The following UROC1 variants were observed in gnomAD, a reference collection of about 807,000 sequenced individuals.
The protein encoded by UROC1 is urocanate hydratase 1.
UROC1 carries 79 observed loss-of-function variants against 89.5 expected under a neutral mutation model. The ratio of observed to expected loss-of-function variants is 0.88; its 90% CI spans 0.74 to 1.06. UROC1 has a LOEUF of 1.06. Among genes scored for constraint, UROC1 ranks in the 50% least tolerant of loss-of-function variants. UROC1 has a pLI of 0.00. For missense variants in UROC1, 885 were observed against 907.8 expected (o/e 0.97, Z 0.32); for synonymous variants, 361 against 354.8 (o/e 1.02, Z -0.20).
In UROC1 at chr3:126,506,757, T is replaced by C. The variant is rs139125681; in HGVS notation, c.603-746A>G. The stretch of plus-strand genomic sequence containing the variant: ...GACGTAAGAGGGATCTCCTTTTCAG[T>C]GTAGCTCCATTTATAATGCTTAATG... On this transcript the variant is annotated intron_variant, in intron 6 of 19. Transcript: ENST00000290868. Among the ~76,000 whole-genome samples, 682 of 152,294 alleles carry C rather than the reference T, an allele frequency of 4.5e-3. 5 individuals are homozygous for C. Among genetic ancestry groups the C allele is most frequent in the African/African-American group, 0.014 (596 of 41,562 alleles).
At chr3:126,512,562 C>T (rs1936219425) in intron 1 of UROC1, among the ~76,000 whole-genome samples, 3 of 151,968 alleles carry the variant, frequency 2.0e-5, no homozygotes, top group South Asian at 2.1e-4. Context: ...CCCATCTTTA[C>T]GAAAAATAAA....
intron 15 of UROC1, 37 bp from the exon 16 acceptor site, chr3:126,492,553 T>G (rs749839669): frequency 6.5e-7 from 1 of 1,548,442 alleles, no homozygotes; most frequent in South Asian, 1.1e-5. Flanking sequence ...TCAGCCAACA[T>G]AGGCAGCAAT....
Position 126,498,177 on chromosome 3 carries a change from A to G in UROC1, c.1317-5T>C, listed in dbSNP as rs1405573036. ...AATCCCTGGGAGAATATGTCCCTGC[A>G]AGCACAGATGCCTCCTCACCCTGGG... On this transcript the variant is annotated splice_region_variant and splice_polypyrimidine_tract_variant and intron_variant, in intron 13 of 19. Transcript: ENST00000290868. 6.2e-7 allele frequency: 1 copy of G among 1,614,126 alleles called. No homozygotes were observed. Among genetic ancestry groups the G allele is most frequent in the South Asian group, 1.1e-5 (1 of 91,080 alleles).
chr3:126,485,296 C>T (rs942983342), intron 18 of UROC1, among the ~76,000 whole-genome samples: 2 of 152,188 alleles, frequency 1.3e-5, no homozygotes, highest in Non-Finnish European at 1.5e-5. Flanking sequence ...TATTATTATG[C>T]TTATTTTCTC....
rs1490297446 is a variant in UROC1, at chr3:126,500,161, C to T, written c.1146-7G>A. The T allele has an allele frequency of 6.2e-7, 1 of 1,613,350 alleles. No individual in the cohort carries two copies. Among genetic ancestry groups the T allele is most frequent in the East Asian group, 2.2e-5 (1 of 44,862 alleles). The stretch of plus-strand genomic sequence containing the variant: ...TGAGACTTGCCTCCTCAGGCTGCAA[C>T]AAGCCATGGGTCAGCACCACCGCTG... On this transcript the variant is annotated splice_polypyrimidine_tract_variant and splice_region_variant and intron_variant, in intron 11 of 19. Coordinates refer to ENST00000290868, the MANE Select transcript of UROC1 (RefSeq NM_144639.3).
rs1015292832 is a variant in UROC1, at chr3:126,482,153, T to G, written c.*192A>C. The G allele has an allele frequency of 2.4e-4, 176 of 729,894 alleles. 1 individual carries two copies. Among genetic ancestry groups the G allele is most frequent in the Non-Finnish European group, 3.6e-4 (162 of 450,666 alleles). 45.2% of individuals were successfully genotyped at this position (729,894 alleles called of 1,614,324 possible). On this transcript the variant is annotated 3_prime_UTR_variant, in exon 20 of 20. Coordinates refer to ENST00000290868, the MANE Select transcript of UROC1 (RefSeq NM_144639.3). ...GCATGGTTGTGGACAGAGAGCTGCA[T>G]GTCTCTGGGCCTCAGGGGGCTGTCT...
At chr3:126,510,488 T>C (rs1936168027) in intron 2 of UROC1, among the ~76,000 whole-genome samples, 176 bp downstream of exon 2, 2 of 152,212 alleles carry the variant, frequency 1.3e-5, no homozygotes, top group South Asian at 4.1e-4. Context: ...CAGCCAGCGC[T>C]GGGCTCCGGC....
Position 126,482,247 on chromosome 3 carries a change from G to T in UROC1, c.*98C>A. The T allele has an allele frequency of 1.3e-6, 2 of 1,545,586 alleles. No homozygotes were observed. Among genetic ancestry groups the T allele is most frequent in the Non-Finnish European group, 1.8e-6 (2 of 1,131,910 alleles). ...GGCCACGTGAGGATGTGCGAGAAGT[G>T]CAGGTAGTGCGGGTGTGCAGGAAGG... On this transcript the variant is annotated 3_prime_UTR_variant, in exon 20 of 20. Transcript: ENST00000290868.
chr3:126,497,712 C>T (rs1935812569), intron 14 of UROC1, among the ~76,000 whole-genome samples: 1 of 152,360 alleles, frequency 6.6e-6, no homozygotes, highest in South Asian at 2.1e-4. Flanking sequence ...CCTGGACCGT[C>T]CTGCTTCAGC....
At chr3:126,502,506 G>A (rs931907050) in intron 9 of UROC1, among the ~76,000 whole-genome samples, 70 of 151,112 alleles carry the variant, frequency 4.6e-4, no homozygotes, top group Non-Finnish European at 8.6e-4. Context: ...GCATGTTAGT[G>A]TGTATGCATG....
At chr3:126,488,549 CAGA>C (rs1261018697) in intron 17 of UROC1, among the ~76,000 whole-genome samples, 2 of 152,336 alleles carry the variant, frequency 1.3e-5, no homozygotes, top group East Asian at 1.9e-4. Context: ...GCAGAGGGAA[CAGA>C]AGAATTAAAA....
At chr3:126,483,882 TAAA>T (rs551385620) in intron 18 of UROC1, among the ~76,000 whole-genome samples, 1 of 152,128 alleles carries the variant, frequency 6.6e-6, no homozygotes. Context: ...GTTTTATCTT[TAAA>T]AAAAATATTT....
At chr3:126,508,200 C>T in intron 4 of UROC1, 105 bp from the exon 5 acceptor site, 2 of 1,597,810 alleles carry the variant, frequency 1.3e-6, no homozygotes, top group Non-Finnish European at 1.7e-6. Flanking sequence ...GCCCCCAGGT[C>T]TCCATTCCAC....
intron 5 of UROC1, 43 bp downstream of exon 5, chr3:126,507,924 T>C (rs1936106044): frequency 6.2e-7 from 1 of 1,613,332 alleles, no homozygotes; most frequent in African/African-American, 1.3e-5. Context: ...CACCCTCTCT[T>C]TGGAGCCCTG....
Position 126,516,677 on chromosome 3 carries a change from C to T in UROC1, c.126+917G>A, listed in dbSNP as rs116018468. On this transcript the variant is annotated intron_variant, in intron 1 of 19. Coordinates refer to ENST00000290868, the MANE Select transcript of UROC1 (RefSeq NM_144639.3). ...GACCCCCAGCATCCTCCTAGCCCCC[C>T]AACTCCCCTCCACCCCCACACCCAC... Among the ~76,000 whole-genome samples, 173 of 87,050 alleles carry T rather than the reference C, an allele frequency of 2.0e-3. 6 individuals carry two copies. The highest frequency in any genetic ancestry group is 8.9e-3 in the African/African-American group (158 of 17,708). The allele number at this position is 87,050 out of a possible 152,430, so 57.1% of individuals were successfully genotyped here.
chr3:126,498,384 A>G (rs1169134713), intron 13 of UROC1, among the ~76,000 whole-genome samples: 1 of 152,024 alleles, frequency 6.6e-6, no homozygotes, highest in East Asian at 1.9e-4. Flanking sequence ...TGGCTGTACC[A>G]TCTCTAGCTA....
intron 12 of UROC1, 77 bp downstream of exon 12, chr3:126,499,980 G>C (rs1935876862): frequency 2.2e-6 from 3 of 1,395,008 alleles, no homozygotes; most frequent in Non-Finnish European, 3.0e-6. Flanking sequence ...AGTGAGGTGG[G>C]AGCCAGTGGC....
intron 15 of UROC1, among the ~76,000 whole-genome samples, chr3:126,494,341 C>A (rs1362999500): frequency 6.6e-6 from 1 of 152,162 alleles, no homozygotes; most frequent in Non-Finnish European, 1.5e-5. Context: ...CCCACGGCCC[C>A]TTCTCAGCCA....
chr3:126,489,962 C>G lies in UROC1; in HGVS notation c.1609-587G>C, dbSNP rs541458740. On this transcript the variant is annotated intron_variant, in intron 16 of 19. Transcript: ENST00000290868. ...ACTTAGTCTGGGCTCAAGCCTCAGGCAGCCTGGCCCCTGACCTGTGCAATA... is the reference window on the plus strand; with the variant it reads ...ACTTAGTCTGGGCTCAAGCCTCAGGGAGCCTGGCCCCTGACCTGTGCAATA... Among the ~76,000 whole-genome samples the G allele has an allele frequency of 5.9e-5, 9 of 152,328 alleles. No individual in the cohort carries two copies. The East Asian group carries it at 1.7e-3, about 29-fold the overall frequency.
Sources: gnomAD v4.1 joint callset for allele counts (sites outside exome capture counted in the v4.1 genomes callset) on GRCh38, gnomAD v4.1.1 for gene constraint, MANE v1.5 for transcripts, NCBI Gene and HGNC (gene_info 2026-07-23, HGNC 2026-07-21) for gene names.